Variants in FKBP6 observed in about 807,000 individuals in gnomAD.
The protein encoded by FKBP6 is FKBP prolyl isomerase family member 6 (inactive).
In FKBP6, 29 loss-of-function variants were observed where a neutral mutation model predicts 41.7. That is an observed-to-expected ratio of 0.70 (90% CI 0.52 to 0.95). The LOEUF (loss-of-function observed/expected upper bound fraction) is 0.95, where lower values mean the gene tolerates loss of function less well. Among genes scored for constraint, FKBP6 ranks in the 40% least tolerant of loss-of-function variants. The pLI, the probability that FKBP6 is intolerant of heterozygous loss-of-function variation, is 0.00. For missense variants in FKBP6, 338 were observed against 408.7 expected, an observed-to-expected ratio of 0.83 and a Z score of 1.49; for synonymous variants, 130 against 165.1, an observed-to-expected ratio of 0.79 and a Z score of 1.63.
At chr7:73,342,190 T>G (rs1200891149) in intron 7 of FKBP6, among the ~76,000 whole-genome samples, 1 of 152,212 alleles carries the variant, frequency 6.6e-6, no homozygotes, top group Non-Finnish European at 1.5e-5. Context: ...AGAAGTTTTG[T>G]GTCCATTGTA....
At chr7:73,329,847 G>A in intron 3 of FKBP6, 1 of 535,016 alleles carries the variant, frequency 1.9e-6, no homozygotes, top group South Asian at 2.0e-5. Flanking sequence ...AGAATCGGAT[G>A]AGTGCCTGGG....
chr7:73,340,883 G>A, intron 6 of FKBP6, 51 bp downstream of exon 6: 1 of 1,165,544 alleles, frequency 8.6e-7, no homozygotes, highest in Non-Finnish European at 1.3e-6. Flanking sequence ...AAAGGTAGTA[G>A]CAGTGCTCAA....
At position 73,339,104 on chromosome 7, in the gene FKBP6, A is replaced by G. The variant is rs575379866; in HGVS notation, c.589-1534A>G. Reference sequence around the variant, plus strand: ...GATAGTTTTTTAAAAAAATATATGAAATGCTTTATGAATTTGCATGTCATC... The same window carrying G: ...GATAGTTTTTTAAAAAAATATATGAGATGCTTTATGAATTTGCATGTCATC... On this transcript the variant is annotated intron_variant, in intron 5 of 8. Coordinates refer to ENST00000252037, the MANE Select transcript of FKBP6 (RefSeq NM_003602.5). 3 of 152,308 alleles carry G rather than the reference A, an allele frequency of 2.0e-5. No individual in the cohort carries two copies. In the East Asian group the frequency reaches 5.8e-4, roughly 29 times the overall value. 9.4% of individuals were successfully genotyped at this position (152,308 alleles called of 1,614,324 possible).
intron 5 of FKBP6, among the ~76,000 whole-genome samples, chr7:73,334,288 C>G (rs1203736562): frequency 6.6e-6 from 1 of 152,096 alleles, no homozygotes; most frequent in Non-Finnish European, 1.5e-5. Context: ...CTCTGGGAAA[C>G]TTTCTTGAGT....
chr7:73,337,350 A>G (rs1040618151), intron 5 of FKBP6, among the ~76,000 whole-genome samples: 2 of 124,366 alleles, frequency 1.6e-5, no homozygotes, highest in African/African-American at 6.3e-5. Flanking sequence ...GTCTCACTCT[A>G]TCACCCAGGC....
chr7:73,356,375 G>A (rs1328783284), intron 8 of FKBP6, among the ~76,000 whole-genome samples: 1 of 152,216 alleles, frequency 6.6e-6, no homozygotes. Context: ...CACTGGTTGT[G>A]ATGGGTGTGT....
chr7:73,328,617 G>T lies in FKBP6; in HGVS notation c.100G>T (p.Gly34Trp). The T allele has an allele frequency of 6.2e-7, 1 of 1,610,918 alleles. No homozygotes were observed. The highest frequency in any genetic ancestry group is 1.1e-5 in the South Asian group (1 of 90,846). The change falls in exon 2 of 9, where the codon GGG (glycine) becomes TGG (tryptophan). Residue 34 changes from glycine (G) to tryptophan (W), a missense_variant. By Grantham distance (184) the Gly-to-Trp change is radical (BLOSUM62 -2). This residue lies in a region of FKBP6 where 99 missense variants were observed against 158.6 expected (regional missense o/e 0.62). Transcript: ENST00000252037. ...AAGTCAGAGGATGCTGGACATCTCG[G>T]GGGACCGGGGCGTGCTGAAGGACGT... ...RLSQRMLDIS[G>W]DRGVLKDVIR...
At chr7:73,341,808 C>T (rs1223116347) in intron 7 of FKBP6, among the ~76,000 whole-genome samples, 1 of 151,764 alleles carries the variant, frequency 6.6e-6, no homozygotes, top group African/African-American at 2.4e-5. Flanking sequence ...GGATTACAGG[C>T]GTGTACCACC....
chr7:73,334,239 G>A (rs1804936136), intron 5 of FKBP6, among the ~76,000 whole-genome samples: 1 of 152,136 alleles, frequency 6.6e-6, no homozygotes, highest in Non-Finnish European at 1.5e-5. Flanking sequence ...ATGTGCCTCT[G>A]CGTGTGTGTA....
chr7:73,330,462 A>G (rs1451394363), intron 4 of FKBP6, 110 bp downstream of exon 4: 2 of 846,340 alleles, frequency 2.4e-6, no homozygotes, highest in South Asian at 2.8e-5. Flanking sequence ...TCTCCAGGGT[A>G]CCCCCGCGGC....
At chr7:73,346,327 A>T (rs1198293871) in intron 8 of FKBP6, among the ~76,000 whole-genome samples, 2 of 152,188 alleles carry the variant, frequency 1.3e-5, no homozygotes, top group African/African-American at 4.8e-5. Flanking sequence ...TGGCATATAG[A>T]GAGAGTTCCA....
chr7:73,329,603 G>C (rs1414611734), intron 3 of FKBP6, 154 bp downstream of exon 3: 1 of 695,940 alleles, frequency 1.4e-6, no homozygotes, highest in Non-Finnish European at 2.6e-6. Context: ...CTCTCCCCTT[G>C]AGACCTAGGC....
At chr7:73,337,297 T>A (rs1439884149) in intron 5 of FKBP6, among the ~76,000 whole-genome samples, 9 of 150,840 alleles carry the variant, frequency 6.0e-5, no homozygotes, top group Non-Finnish European at 8.9e-5. Flanking sequence ...TTTTCTCCAG[T>A]TCTTCCATGT....
At position 73,331,795 on chromosome 7, in the gene FKBP6, TTAAGTG is replaced by T; in HGVS notation, c.588+25_588+30del. ...TAAAAGGGTGAGAATGCTTTGAAAG[TTAAGTG>T]TAAGTTTAGATCCTGAAAACTTCCT... On this transcript the variant is annotated intron_variant, in intron 5 of 8. Coordinates refer to ENST00000252037, the MANE Select transcript of FKBP6 (RefSeq NM_003602.5). 6.2e-7 allele frequency: 1 copy of T among 1,610,658 alleles called. No individual in the cohort carries two copies. The highest frequency in any genetic ancestry group is 1.1e-5 in the South Asian group (1 of 91,016).
At chr7:73,330,432 T>TGCCCTGAGGCTGATCGTCCTCTCCAGG in intron 4 of FKBP6, 80 bp downstream of exon 4, 1 of 1,131,368 alleles carries the variant, frequency 8.8e-7, no homozygotes, top group Non-Finnish European at 1.3e-6. Context: ...CTAGATGGCC[T>TGCCCTGAGGCTGATCGTCCTCTCCAGG]GCCCTGAGGC....
chr7:73,330,193 G>A lies in FKBP6; in HGVS notation c.309G>A (p.Arg103=), dbSNP rs375930124. ...WGMELGLLSM[R]RGELARFLFK... is the part of the protein sequence containing the mutation. ...TGGAGCTGGGCCTTCTGAGCATGCGGAGAGGAGAGCTGGCCAGGTTTCTGT... is the reference window on the plus strand; with the variant it reads ...TGGAGCTGGGCCTTCTGAGCATGCGAAGAGGAGAGCTGGCCAGGTTTCTGT... The change falls in exon 4 of 9, where the codon CGG becomes CGA. Residue 103 remains arginine, a synonymous_variant. Coordinates refer to ENST00000252037, the MANE Select transcript of FKBP6 (RefSeq NM_003602.5). 6.2e-7 allele frequency: 1 copy of A among 1,613,874 alleles called. No homozygotes were observed. The highest frequency in any genetic ancestry group is 8.5e-7 in the Non-Finnish European group (1 of 1,179,908).
intron 5 of FKBP6, among the ~76,000 whole-genome samples, chr7:73,339,682 C>T (rs536176348): frequency 2.7e-5 from 4 of 145,596 alleles, no homozygotes; most frequent in South Asian, 2.2e-4. Flanking sequence ...GGTGTGGTCT[C>T]GGTTCACCAC....
At chr7:73,352,195 C>A (rs1554551205) in intron 8 of FKBP6, among the ~76,000 whole-genome samples, 3 of 152,138 alleles carry the variant, frequency 2.0e-5, no homozygotes, top group Admixed American at 6.5e-5. Context: ...ATCTCCTGGC[C>A]TCAAGCGATC....
intron 8 of FKBP6, among the ~76,000 whole-genome samples, chr7:73,350,585 A>T (rs1554550981): frequency 6.6e-6 from 1 of 152,106 alleles, no homozygotes; most frequent in African/African-American, 2.4e-5. Context: ...TTTGGGCTGT[A>T]GAGTATTGAG....
Sources: gnomAD v4.1 joint callset for allele counts (sites outside exome capture counted in the v4.1 genomes callset) on GRCh38, gnomAD v4.1.1 for gene constraint, gnomAD v4.1.1 regional missense constraint, MANE v1.5 for transcripts, NCBI Gene and HGNC (gene_info 2026-07-23, HGNC 2026-07-21) for gene names.